Variants in ATL3 observed in about 807,000 individuals in gnomAD.
ATL3 encodes atlastin-3.
Under a neutral mutation model 69.5 loss-of-function variants are expected in ATL3, and 49 were observed. That is an observed-to-expected ratio of 0.71 (90% CI 0.56 to 0.89). The LOEUF (loss-of-function observed/expected upper bound fraction) is 0.89. Ranked by LOEUF, ATL3 falls within the 40% of genes least tolerant of loss-of-function variation. ATL3 has a pLI of 0.00. For missense variants in ATL3, 606 were observed against 645.7 expected, an observed-to-expected ratio of 0.94 and a Z score of 0.67; for synonymous variants, 214 against 224.1, an observed-to-expected ratio of 0.95 and a Z score of 0.40.
intron 8 of ATL3, among the ~76,000 whole-genome samples, chr11:63,638,863 T>C (rs1939604900): frequency 1.3e-5 from 2 of 152,150 alleles, no homozygotes; most frequent in South Asian, 4.1e-4. Flanking sequence ...AAAAATAAAA[T>C]AAAACCACTA....
At chr11:63,671,598 C>T (rs1168530290), upstream of ATL3, 1 of 1,423,244 alleles carries the variant, frequency 7.0e-7, no homozygotes, top group Non-Finnish European at 9.2e-7. Flanking sequence ...AATCCCGCCA[C>T]CGCCTGCCGC....
intron 3 of ATL3, among the ~76,000 whole-genome samples, chr11:63,652,980 C>G (rs1455368150): frequency 6.6e-6 from 1 of 151,294 alleles, no homozygotes; most frequent in Non-Finnish European, 1.5e-5. Context: ...AGCACTTGAG[C>G]CCAGTTCAAT....
intron 8 of ATL3, 94 bp downstream of exon 8, chr11:63,643,263 C>A: frequency 7.5e-7 from 1 of 1,334,702 alleles, no homozygotes; most frequent in Non-Finnish European, 1.0e-6. Context: ...GAGAGCATAC[C>A]ATTTTTCTTA....
chr11:63,633,109 GAAA>G lies in ATL3; in HGVS notation c.1036-15_1036-13del, dbSNP rs1939380756. On this transcript the variant is annotated splice_polypyrimidine_tract_variant and intron_variant, in intron 10 of 12. Transcript: ENST00000398868. Reference sequence around the variant, plus strand: ...GCTTCAGCAGTGGCCTTTTAAGAGAGAAAAACGTGAACTGTAAATCCTTCCTCT... The same window carrying G: ...GCTTCAGCAGTGGCCTTTTAAGAGAGAACGTGAACTGTAAATCCTTCCTCT... The G allele has an allele frequency of 3.7e-6, 6 of 1,610,402 alleles. No individual in the cohort carries two copies. Among genetic ancestry groups the G allele is most frequent in the Non-Finnish European group, 5.1e-6 (6 of 1,176,818 alleles).
chr11:63,661,812 CCAG>C (rs199658561), intron 1 of ATL3, among the ~76,000 whole-genome samples: 1,667 of 151,784 alleles, frequency 0.011, 29 homozygotes, highest in African/African-American at 0.038. Context: ...TCGCTTGAAC[CCAG>C]TAGGTGGAGG....
intron 11 of ATL3, chr11:63,632,699 T>C (rs1453179028): frequency 3.2e-6 from 4 of 1,260,194 alleles, no homozygotes; most frequent in Admixed American, 1.7e-5. Context: ...CCAGCCTTAA[T>C]GGCCACAGAT....
chr11:63,661,935 A>G (rs1277478681), intron 1 of ATL3, among the ~76,000 whole-genome samples: 1 of 151,116 alleles, frequency 6.6e-6, no homozygotes, highest in East Asian at 2.0e-4. Context: ...CATTCAGGCT[A>G]GACATGGTGG....
Position 63,645,766 on chromosome 11 carries a change from T to C in ATL3, c.618+741A>G, listed in dbSNP as rs185361696. Among the ~76,000 whole-genome samples the C allele has an allele frequency of 3.0e-4, 45 of 152,116 alleles. No homozygotes were observed. In the East Asian group the frequency reaches 3.1e-3, roughly 10 times the overall value. ...ACGACCTTTTTATTTTATTTTATTT[T>C]TGTTTTTTTCTTTTTTTTTGAGACA... is the stretch of plus-strand genomic sequence containing the variant. On this transcript the variant is annotated intron_variant, in intron 6 of 12. Transcript: ENST00000398868.
rs911284730 is a variant in ATL3 at position 63,659,362 on chromosome 11, C to G, written c.47-110G>C. 8 of 852,726 alleles carry G rather than the reference C, an allele frequency of 9.4e-6. No homozygotes were observed. The African/African-American group carries it at 1.2e-4, about 13-fold the overall frequency. The allele number at this position is 852,726 out of a possible 1,614,324, so 52.8% of individuals were successfully genotyped here. A position where few individuals can be genotyped will look rare whatever the true frequency, so the allele number is the denominator to read the frequency against. ...GGGGACAGGGCCAGGCTCAATGGCT[C>G]ATGCCTATAATCACAGCACTTTGGG... On this transcript the variant is annotated intron_variant, in intron 1 of 12. Coordinates refer to ENST00000398868, the MANE Select transcript of ATL3 (RefSeq NM_015459.5).
intron 5 of ATL3, chr11:63,650,590 G>A (rs553586239): frequency 6.6e-6 from 1 of 152,128 alleles, no homozygotes; most frequent in Non-Finnish European, 1.5e-5. Flanking sequence ...CTTGTCATGT[G>A]AGACAAGGTG....
chr11:63,632,787 A>C (rs1939366138), intron 11 of ATL3: 2 of 811,674 alleles, frequency 2.5e-6, no homozygotes, highest in Middle Eastern at 3.7e-4. Context: ...ACTCCCATTG[A>C]AACTATGTAC....
intron 1 of ATL3, among the ~76,000 whole-genome samples, chr11:63,669,748 A>C (rs1219296710): frequency 1.3e-5 from 2 of 152,062 alleles, no homozygotes. Context: ...GGAGTTCGAG[A>C]CCAGCCTGGC....
chr11:63,666,100 C>T (rs1285879065), intron 1 of ATL3, among the ~76,000 whole-genome samples: 7 of 152,068 alleles, frequency 4.6e-5, no homozygotes, highest in Non-Finnish European at 5.9e-5. Context: ...CCCACCTCAG[C>T]CTCCCAGTAT....
In ATL3 at chr11:63,631,120, A is replaced by G; in HGVS notation, c.1459T>C (p.Trp487Arg). The G allele has an allele frequency of 6.2e-7, 1 of 1,614,198 alleles. No homozygotes were observed. The highest frequency in any genetic ancestry group is 8.5e-7 in the Non-Finnish European group (1 of 1,180,036). ...TGACCAGAATACCTGATGTAGCCCC[A>G]GGTGAGGAGTGCTATTAACAGTAGT... is the stretch of plus-strand genomic sequence containing the variant. ...VGLLLIALLTWGYIRYSGQYR... is the reference protein window; with the variant it reads ...VGLLLIALLTRGYIRYSGQYR... The change falls in exon 12 of 13, where the codon TGG becomes CGG. Residue 487 changes from tryptophan (W) to arginine (R), a missense_variant. Trp to Arg is a moderately radical substitution (Grantham distance 101, BLOSUM62 -3). Coordinates refer to ENST00000398868, the MANE Select transcript of ATL3 (RefSeq NM_015459.5).
At chr11:63,641,432 A>G (rs1301958578) in intron 8 of ATL3, among the ~76,000 whole-genome samples, 1 of 152,212 alleles carries the variant, frequency 6.6e-6, no homozygotes, top group Non-Finnish European at 1.5e-5. Flanking sequence ...AATTAGCTGA[A>G]AGGAGGTCAT....
At position 63,631,703 on chromosome 11, in the gene ATL3, C is replaced by T. The variant is rs79462002; in HGVS notation, c.1108-232G>A. Among the ~76,000 whole-genome samples the T allele has an allele frequency of 0.11, 16,561 of 152,218 alleles. 1,055 individuals carry two copies. Among genetic ancestry groups the T allele is most frequent in the Middle Eastern group, 0.17 (49 of 294 alleles). ...ATTGGAAAGAGCAGTGACACTGGGA[C>T]GGGTGCGGTGGCTCACGCCTGTAAT... On this transcript the variant is annotated intron_variant, in intron 11 of 12. Transcript: ENST00000398868.
intron 1 of ATL3, among the ~76,000 whole-genome samples, chr11:63,662,647 T>G (rs1565283789): frequency 6.6e-6 from 1 of 152,168 alleles, no homozygotes; most frequent in Non-Finnish European, 1.5e-5. Context: ...ACCCAGCTAA[T>G]TTTTGTATTT....
chr11:63,640,228 A>G (rs1008715982), intron 8 of ATL3, among the ~76,000 whole-genome samples: 1 of 152,036 alleles, frequency 6.6e-6, no homozygotes, highest in African/African-American at 2.4e-5. Flanking sequence ...CCCGGCCTCT[A>G]CCTTATCCTT....
At chr11:63,669,014 T>C (rs374514064) in intron 1 of ATL3, among the ~76,000 whole-genome samples, 7 of 108,874 alleles carry the variant, frequency 6.4e-5, no homozygotes, top group East Asian at 2.4e-4. Flanking sequence ...TTTTTTTGGG[T>C]GGGGGGGGGC....
Sources: allele counts gnomAD v4.1 joint callset (sites outside exome capture counted in the v4.1 genomes callset), GRCh38; gene constraint gnomAD v4.1.1; transcripts MANE v1.5; gene names NCBI Gene and HGNC (gene_info 2026-07-23, HGNC 2026-07-21).